HSF2BP: variants seen among roughly 807,000 people sequenced by gnomAD.
HSF2BP encodes the protein heat shock transcription factor 2 binding protein, also known as heat shock factor 2-binding protein.
In HSF2BP, 35 loss-of-function variants were observed where a neutral mutation model predicts 35.0. The observed-to-expected ratio is 1.00, with a 90% CI of 0.76 to 1.32. HSF2BP has a LOEUF of 1.32. HSF2BP is among the 40% of genes most tolerant of loss of function. HSF2BP has a pLI of 0.00. For synonymous variants in HSF2BP, 114 were observed against 117.4 expected (o/e 0.97, Z 0.18); for missense variants, 326 against 321.7 (o/e 1.01, Z -0.10).
At position 43,597,778 on chromosome 21, in the gene HSF2BP, A is replaced by G. The variant is rs2082004250; in HGVS notation, c.693-5450T>C. ...GCAATTTTCCCACGTCGGCCTCCCA[A>G]AGTGCTGGGATTACAGGCATAAGCC... On this transcript the variant is annotated intron_variant, in intron 7 of 8. Coordinates refer to ENST00000291560, the MANE Select transcript of HSF2BP (RefSeq NM_007031.2). This position sits in a 1 kb window ranked among gnomAD's most constrained non-coding sequence, Gnocchi z 4.3. 6.6e-6 allele frequency among the ~76,000 whole-genome samples: 1 copy of G among 152,228 alleles called. No individual in the cohort carries two copies. Among genetic ancestry groups the G allele is most frequent in the African/African-American group, 2.4e-5 (1 of 41,464 alleles).
intron 6 of HSF2BP, among the ~76,000 whole-genome samples, chr21:43,626,314 G>A (rs2082388817): frequency 6.6e-6 from 1 of 151,618 alleles, no homozygotes; most frequent in South Asian, 2.1e-4. Context: ...ATTTTCCTAA[G>A]AACAGCATGG....
chr21:43,622,515 G>T (rs951478833), intron 6 of HSF2BP, among the ~76,000 whole-genome samples: 2 of 152,024 alleles, frequency 1.3e-5, no homozygotes, highest in African/African-American at 4.8e-5. Context: ...AAAAAAAACA[G>T]GAGTAGCTAC....
chr21:43,645,058 A>T (rs1029331691), intron 3 of HSF2BP, among the ~76,000 whole-genome samples: 1 of 152,254 alleles, frequency 6.6e-6, no homozygotes, highest in African/African-American at 2.4e-5. Flanking sequence ...TTTATGTTGC[A>T]GAAATACTGA....
At chr21:43,631,234 C>T (rs2082451951) in intron 5 of HSF2BP, among the ~76,000 whole-genome samples, 1 of 152,296 alleles carries the variant, frequency 6.6e-6, no homozygotes, top group South Asian at 2.1e-4. Flanking sequence ...TTTCTATTAG[C>T]AGTAACTAAT....
At chr21:43,636,358 C>A (rs1171313714) in intron 4 of HSF2BP, among the ~76,000 whole-genome samples, 1 of 151,930 alleles carries the variant, frequency 6.6e-6, no homozygotes, top group Non-Finnish European at 1.5e-5. Context: ...GCAAATATTT[C>A]TTAGATATCA....
At chr21:43,640,354 A>G (rs2082619762) in intron 4 of HSF2BP, among the ~76,000 whole-genome samples, 1 of 152,242 alleles carries the variant, frequency 6.6e-6, no homozygotes, top group Non-Finnish European at 1.5e-5. Context: ...TTCTTGAGAT[A>G]ACAAAATTAG....
intron 3 of HSF2BP, among the ~76,000 whole-genome samples, chr21:43,653,063 G>A (rs1400781398): frequency 2.0e-5 from 3 of 151,812 alleles, no homozygotes; most frequent in Non-Finnish European, 4.4e-5. Context: ...TGAACCCAGG[G>A]GGCAGAGGTT....
At chr21:43,586,172 G>A (rs539935340) in intron 8 of HSF2BP, among the ~76,000 whole-genome samples, 1 of 152,328 alleles carries the variant, frequency 6.6e-6, no homozygotes, top group African/African-American at 2.4e-5. Flanking sequence ...AATACACTCT[G>A]TCCTCGTCGG....
chr21:43,595,819 G>T (rs2081980132), intron 7 of HSF2BP, among the ~76,000 whole-genome samples: 1 of 125,688 alleles, frequency 8.0e-6, no homozygotes, highest in African/African-American at 2.9e-5. Flanking sequence ...CCGCCTCCTG[G>T]GTTCAAGTGA....
At chr21:43,451,827 C>A in the HSF2BP span, 1 of 52,638 alleles carries the variant, frequency 1.9e-5, no homozygotes, top group African/African-American at 3.9e-5. Flanking sequence ...CTCAGCGAGG[C>A]TCCAGAAGTG....
intron 8 of HSF2BP, among the ~76,000 whole-genome samples, chr21:43,573,881 G>A (rs997990164): frequency 4.6e-5 from 7 of 152,122 alleles, no homozygotes; most frequent in Non-Finnish European, 2.9e-5. Flanking sequence ...CCAACCTTTC[G>A]GGGCAACCTC....
chr21:43,616,534 T>G (rs2146935777), intron 6 of HSF2BP, among the ~76,000 whole-genome samples: 1 of 152,122 alleles, frequency 6.6e-6, no homozygotes, highest in East Asian at 1.9e-4. Context: ...TCCTAGTTAC[T>G]TGGGAGGCTA....
intron 4 of HSF2BP, among the ~76,000 whole-genome samples, chr21:43,641,884 C>T (rs1477668587): frequency 6.7e-6 from 1 of 149,470 alleles, no homozygotes; most frequent in African/African-American, 2.5e-5. Flanking sequence ...CCACTGCACT[C>T]CAGCCTGGAC....
At chr21:43,572,332 C>G (rs1472713283) in intron 8 of HSF2BP, among the ~76,000 whole-genome samples, 1 of 152,184 alleles carries the variant, frequency 6.6e-6, no homozygotes, top group Non-Finnish European at 1.5e-5. Flanking sequence ...TTCAGTGCCA[C>G]TGTAATAAAG....
chr21:43,636,380 C>G (rs1196981910), intron 4 of HSF2BP, among the ~76,000 whole-genome samples: 1 of 151,892 alleles, frequency 6.6e-6, no homozygotes, highest in South Asian at 2.1e-4. Context: ...AAAATCATGA[C>G]CTATTAAAAA....
At chr21:43,648,898 A>G (rs1233319735) in intron 3 of HSF2BP, among the ~76,000 whole-genome samples, 1 of 152,220 alleles carries the variant, frequency 6.6e-6, no homozygotes, top group African/African-American at 2.4e-5. Flanking sequence ...CATTCAATTA[A>G]TATCTCCATT....
At position 43,656,656 on chromosome 21, in the gene HSF2BP, C is replaced by T. The variant is rs1352026519; in HGVS notation, c.118G>A (p.Asp40Asn). ...CCATTTAGTATTCTGGGTAAGAAGT[C>T]CCGTATTTGCATCACTTCAGTTGTC... is the stretch of plus-strand genomic sequence containing the variant. Reference protein sequence around the residue: ...RLTTEVMQIRDFLPRILNGEV... With the variant: ...RLTTEVMQIRNFLPRILNGEV... The change falls in exon 3 of 9, where the codon GAC (aspartate) becomes AAC (asparagine). Residue 40 changes from aspartate to asparagine, a missense_variant. By Grantham distance (23) the Asp-to-Asn change is conservative (BLOSUM62 1). Coordinates refer to ENST00000291560, the MANE Select transcript of HSF2BP (RefSeq NM_007031.2). 1.2e-6 allele frequency: 2 copies of T among 1,613,842 alleles called. No individual in the cohort carries two copies. The highest frequency in any genetic ancestry group is 1.3e-5 in the African/African-American group (1 of 74,918).
intron 7 of HSF2BP, among the ~76,000 whole-genome samples, chr21:43,595,405 T>C (rs1478833582): frequency 6.6e-6 from 1 of 152,058 alleles, no homozygotes; most frequent in Admixed American, 6.6e-5. Context: ...AGGCTTATCA[T>C]CACAACACTT....
rs2082002804 is a variant in HSF2BP at position 43,597,653 on chromosome 21, T to G, written c.693-5325A>C. Among the ~76,000 whole-genome samples the G allele has an allele frequency of 6.6e-6, 1 of 152,182 alleles. No homozygotes were observed. The highest frequency in any genetic ancestry group is 1.5e-5 in the Non-Finnish European group (1 of 68,024). On this transcript the variant is annotated intron_variant, in intron 7 of 8. Coordinates refer to ENST00000291560, the MANE Select transcript of HSF2BP (RefSeq NM_007031.2). The surrounding 1 kb of genome is among the most constrained non-coding windows in gnomAD (Gnocchi z 4.3). ...CTCCTGCCTCAGCCTCCTGAGTAGC[T>G]GAGACTACAGGCATGTGCCACCACA...
Sources: gnomAD v4.1 joint callset for allele counts (sites outside exome capture counted in the v4.1 genomes callset) on GRCh38, gnomAD v4.1.1 for gene constraint, Gnocchi (gnomAD v3.1) non-coding constraint, MANE v1.5 for transcripts, NCBI Gene and HGNC (gene_info 2026-07-23, HGNC 2026-07-21) for gene names.